CNTN1: variants seen among roughly 807,000 people sequenced by gnomAD.
CNTN1 encodes contactin-1.
Under a neutral mutation model 126.4 loss-of-function variants are expected in CNTN1, and 38 were observed. The observed-to-expected ratio is 0.30, with a 90% confidence interval of 0.23 to 0.39. The LOEUF is 0.39. CNTN1 is among the 10% of genes least tolerant of loss of function. The pLI, the probability that CNTN1 is intolerant of heterozygous loss-of-function variation, is 1.00. For synonymous variants in CNTN1, 413 were observed against 422.6 expected (o/e 0.98, Z 0.28); for missense variants, 1,009 against 1,248.4 (o/e 0.81, Z 2.89).
At position 40,918,274 on chromosome 12, in the gene CNTN1, G is replaced by C. The variant is rs534137194; in HGVS notation, c.95-365G>C. 2.6e-5 allele frequency among the ~76,000 whole-genome samples: 4 copies of C among 152,174 alleles called. No individual in the cohort carries two copies. In the East Asian group the frequency reaches 7.7e-4, roughly 29 times the overall value. On this transcript the variant is annotated intron_variant, in intron 3 of 23. Coordinates refer to ENST00000551295, the MANE Select transcript of CNTN1 (RefSeq NM_001843.4). ...TTGGCTTCCTGTTGGAACTAACTAT[G>C]GCTAGGTCACCAAAGGATCATGCAA...
intron 23 of CNTN1, among the ~76,000 whole-genome samples, chr12:41,061,598 A>C (rs1644917476): frequency 6.6e-6 from 1 of 152,214 alleles, no homozygotes; most frequent in African/African-American, 2.4e-5. Flanking sequence ...AACTAATATC[A>C]ACTTTGATTA....
intron 10 of CNTN1, 56 bp downstream of exon 10, chr12:40,936,961 G>A: frequency 6.2e-7 from 1 of 1,605,486 alleles, no homozygotes; most frequent in Non-Finnish European, 8.5e-7. Flanking sequence ...CAGTGTTTCA[G>A]GGTAGTCCTG....
intron 23 of CNTN1, among the ~76,000 whole-genome samples, chr12:41,042,979 C>T (rs1220007154): frequency 6.6e-6 from 1 of 152,136 alleles, no homozygotes; most frequent in Non-Finnish European, 1.5e-5. Context: ...CCCTTCTTTA[C>T]ACCTTATACA....
At chr12:40,946,847 A>G (rs1418526028) in intron 14 of CNTN1, among the ~76,000 whole-genome samples, 1 of 152,044 alleles carries the variant, frequency 6.6e-6, no homozygotes, top group Non-Finnish European at 1.5e-5. Flanking sequence ...CAAATTTCAC[A>G]GCCCGGTGTA....
At chr12:40,873,078 G>T (rs775933019) in intron 1 of CNTN1, among the ~76,000 whole-genome samples, 5 of 152,068 alleles carry the variant, frequency 3.3e-5, no homozygotes, top group Non-Finnish European at 7.4e-5. Context: ...TGCAATTTTA[G>T]TAGTTAGTAA....
At chr12:40,739,259 GA>G (rs1937831588) in intron 1 of CNTN1, among the ~76,000 whole-genome samples, 1 of 151,902 alleles carries the variant, frequency 6.6e-6, no homozygotes, top group South Asian at 2.1e-4. Context: ...AAAAAACTTG[GA>G]TAGTCAATAA....
chr12:40,907,458 C>T (rs1052596238), intron 1 of CNTN1, among the ~76,000 whole-genome samples: 1 of 152,026 alleles, frequency 6.6e-6, no homozygotes, highest in African/African-American at 2.4e-5. Flanking sequence ...TGGATTTTAC[C>T]ACGGAGATGA....
chr12:40,929,343 C>T (rs1349487756), intron 6 of CNTN1, among the ~76,000 whole-genome samples: 3 of 148,652 alleles, frequency 2.0e-5, no homozygotes, highest in African/African-American at 5.1e-5. Flanking sequence ...GGTGCACACA[C>T]ACACACACAC....
intron 1 of CNTN1, among the ~76,000 whole-genome samples, chr12:40,786,217 C>T (rs533727530): frequency 6.6e-6 from 1 of 152,270 alleles, no homozygotes; most frequent in Non-Finnish European, 1.5e-5. Context: ...GGACTGAGCT[C>T]CTTATTTTCT....
intron 1 of CNTN1, among the ~76,000 whole-genome samples, chr12:40,792,044 A>G (rs2136466903): frequency 6.6e-6 from 1 of 152,268 alleles, no homozygotes; most frequent in African/African-American, 2.4e-5. Flanking sequence ...TTTAACCTGA[A>G]GAATTATTAG....
At chr12:40,986,895 A>G (rs1464229667) in intron 16 of CNTN1, among the ~76,000 whole-genome samples, 1 of 152,176 alleles carries the variant, frequency 6.6e-6, no homozygotes, top group Non-Finnish European at 1.5e-5. Flanking sequence ...ATACCAGCCT[A>G]TACTTTGTCT....
chr12:40,699,403 C>A (rs1421525459), intron 1 of CNTN1, among the ~76,000 whole-genome samples: 1 of 151,636 alleles, frequency 6.6e-6, no homozygotes, highest in East Asian at 1.9e-4. Flanking sequence ...TTGATTTATA[C>A]AGAGTAAATA....
intron 7 of CNTN1, among the ~76,000 whole-genome samples, chr12:40,930,826 C>T (rs1945857246): frequency 6.6e-6 from 1 of 151,940 alleles, no homozygotes; most frequent in African/African-American, 2.4e-5. Context: ...AGGCAACACT[C>T]ACATAATTGG....
At position 40,929,684 on chromosome 12, in the gene CNTN1, C is replaced by T. The variant is rs71449788; in HGVS notation, c.497-112C>T. The stretch of plus-strand genomic sequence containing the variant: ...TGTCTTGGCTTTCTCCTAACATTTG[C>T]TCCACAATAGCCTTTATTAGATTAA... On this transcript the variant is annotated intron_variant, in intron 6 of 23. Transcript: ENST00000551295. 33,604 of 787,616 alleles carry T rather than the reference C, an allele frequency of 0.043. 869 individuals are homozygous for T. The highest frequency in any genetic ancestry group is 0.091 in the Middle Eastern group (282 of 3,084). 48.8% of individuals were successfully genotyped at this position (787,616 alleles called of 1,614,324 possible). A position where few individuals can be genotyped will look rare whatever the true frequency, so the allele number is the denominator to read the frequency against.
At chr12:40,968,187 C>G (rs1592338278) in intron 15 of CNTN1, among the ~76,000 whole-genome samples, 1 of 152,102 alleles carries the variant, frequency 6.6e-6, no homozygotes, top group Middle Eastern at 3.2e-3. Context: ...GAACACCCAG[C>G]TCATGGCTGT....
rs1946500993 is a variant in CNTN1, at chr12:40,948,067, T to C, written c.1683+3897T>C. 1.3e-5 allele frequency among the ~76,000 whole-genome samples: 2 copies of C among 151,790 alleles called. 1 individual carries two copies. The highest frequency in any genetic ancestry group is 4.1e-4 in the South Asian group (2 of 4,828). Reference sequence around the variant, plus strand: ...CGTGATTAATCATTCACTTACTTCATTCAGGTTACTTCACTGGGTTTGAAA... The same window carrying C: ...CGTGATTAATCATTCACTTACTTCACTCAGGTTACTTCACTGGGTTTGAAA... On this transcript the variant is annotated intron_variant, in intron 14 of 23. Transcript: ENST00000551295.
chr12:40,771,605 G>A (rs1939337985), intron 1 of CNTN1, among the ~76,000 whole-genome samples: 1 of 151,872 alleles, frequency 6.6e-6, no homozygotes, highest in South Asian at 2.1e-4. Context: ...GTAAATAAGT[G>A]GGAAAGATAT....
intron 4 of CNTN1, 54 bp from the exon 5 acceptor site, chr12:40,922,202 A>C: frequency 3.4e-6 from 5 of 1,490,068 alleles, no homozygotes; most frequent in Non-Finnish European, 4.7e-6. Flanking sequence ...TTAGCTCCGT[A>C]GAGTTTCTAG....
At chr12:40,934,010 AT>A in intron 9 of CNTN1, 132 bp downstream of exon 9, 2 of 737,954 alleles carry the variant, frequency 2.7e-6, no homozygotes, top group South Asian at 1.8e-5. Context: ...ATGGAGAAAG[AT>A]AAAATATTTC....
Sources: gnomAD v4.1 joint callset for allele counts (sites outside exome capture counted in the v4.1 genomes callset) on GRCh38, gnomAD v4.1.1 for gene constraint, MANE v1.5 for transcripts, NCBI Gene and HGNC (gene_info 2026-07-23, HGNC 2026-07-21) for gene names.